The following SYT8 variants were observed in gnomAD, a reference collection of about 807,000 sequenced individuals.
SYT8 encodes the protein synaptotagmin 8.
SYT8 carries 50 observed loss-of-function variants against 34.9 expected under a neutral mutation model. That is an observed-to-expected ratio of 1.43 (90% CI 1.14 to 1.81). The LOEUF is 1.81. SYT8 is among the 40% of genes most tolerant of loss of function. SYT8 has a pLI of 0.00. For missense variants in SYT8, 595 were observed against 529.0 expected (o/e 1.12, Z -1.22); for synonymous variants, 255 against 234.2 (o/e 1.09, Z -0.81).
At chr11:1,832,150 G>A (rs1160559175), upstream of SYT8, among the ~76,000 whole-genome samples, 1 of 152,242 alleles carries the variant, frequency 6.6e-6, no homozygotes, top group African/African-American at 2.4e-5. Context: ...AGCACAAAAC[G>A]TCATGGCAGG....
upstream of SYT8, chr11:1,834,213 C>T: frequency 5.1e-6 from 2 of 390,148 alleles, no homozygotes; most frequent in Admixed American, 4.5e-5. The surrounding 1 kb of genome is among the most constrained non-coding windows in gnomAD (Gnocchi z 4.5). Flanking sequence ...AGGAGCCAGC[C>T]CAGCCAGGTG....
In SYT8 at chr11:1,835,153, C is replaced by T; in HGVS notation, c.48C>T (p.Thr16=). 1 of 1,613,456 alleles carries T rather than the reference C, an allele frequency of 6.2e-7. No individual in the cohort carries two copies. Among genetic ancestry groups the T allele is most frequent in the Non-Finnish European group, 8.5e-7 (1 of 1,179,922 alleles). ...CCAGTGCCCCGGCCCCAGCTGGCAC[C>T]ACAGCTATACCTGGGCTTATTCCAG... The part of the protein sequence containing the change: ...VSPSAPAPAG[T]TAIPGLIPDL... Residue 16 remains threonine (T), a synonymous_variant, in exon 1 of 8, where the codon ACC becomes ACT. Coordinates refer to ENST00000341958, the MANE Select transcript of SYT8 (RefSeq NM_001394072.1).
chr11:1,836,894 G>A lies in SYT8; in HGVS notation c.790+33G>A, dbSNP rs373120265. ...TCACACCTGCCCACGTTGTTGTACAGAGGGGGGGCCCGTGCTCAGCCCCGA... is the reference window on the plus strand; with the variant it reads ...TCACACCTGCCCACGTTGTTGTACAAAGGGGGGGCCCGTGCTCAGCCCCGA... On this transcript the variant is annotated intron_variant, in intron 6 of 7. Coordinates refer to ENST00000341958, the MANE Select transcript of SYT8 (RefSeq NM_001394072.1). 2.0e-5 allele frequency: 32 copies of A among 1,612,606 alleles called. No homozygotes were observed. The African/African-American group carries it at 3.5e-4, about 17-fold the overall frequency.
intron 7 of SYT8, 26 bp from the exon 8 acceptor site, chr11:1,837,166 C>A: frequency 6.3e-7 from 1 of 1,589,154 alleles, no homozygotes; most frequent in South Asian, 1.1e-5. Context: ...TCCCCCAACT[C>A]CAACCTCTGG....
Position 1,836,506 on chromosome 11 carries a change from G to A in SYT8, c.598G>A (p.Gly200Ser). ...FKRFSGHEPL[G>S]ELRLPLGTVD... ...GCGCTTCTCGGGGCATGAGCCCCTG[G>A]GTGAGCTCCGTCTGCCACTGGGCAC... is the stretch of plus-strand genomic sequence containing the variant. The change falls in exon 5 of 8, where the codon GGT (glycine) becomes AGT (serine). Residue 200 changes from glycine to serine, a missense_variant. Transcript: ENST00000341958. The A allele has an allele frequency of 6.2e-7, 1 of 1,612,614 alleles. No individual in the cohort carries two copies. Among genetic ancestry groups the A allele is most frequent in the African/African-American group, 1.3e-5 (1 of 75,062 alleles).
At chr11:1,834,872 G>C (rs1340596769), upstream of SYT8, 1 of 625,202 alleles carries the variant, frequency 1.6e-6, no homozygotes, top group Non-Finnish European at 2.8e-6. This position sits in a 1 kb window ranked among gnomAD's most constrained non-coding sequence, Gnocchi z 4.5. Context: ...TGGCTGGGAG[G>C]CTGGGCCTGG....
rs149899366 is a variant in SYT8 at position 1,835,998 on chromosome 11, C to A, written c.357+14C>A. 1.6e-3 allele frequency: 2,568 copies of A among 1,602,016 alleles called. 43 individuals carry two copies. The African/African-American group carries it at 0.03, about 19-fold the overall frequency. ...GGAAGCCAGGAGGTGAAGGGCCCCG[C>A]TGCGCAGGACCAGCGGTTCTGCGAG... On this transcript the variant is annotated intron_variant, in intron 3 of 7. Coordinates refer to ENST00000341958, the MANE Select transcript of SYT8 (RefSeq NM_001394072.1).
chr11:1,836,281 C>T lies in SYT8; in HGVS notation c.513C>T (p.Phe171=). ...LCPVFDETCC[F]HIPQAELPGA... Reference sequence around the variant, plus strand: ...CCGTGTTTGACGAGACCTGCTGCTTCCACGTGAGTCAGGGATGGTCGGCTG... The same window carrying T: ...CCGTGTTTGACGAGACCTGCTGCTTTCACGTGAGTCAGGGATGGTCGGCTG... The change falls in exon 4 of 8, where the codon TTC becomes TTT. Residue 171 remains phenylalanine, a synonymous_variant. Coordinates refer to ENST00000341958, the MANE Select transcript of SYT8 (RefSeq NM_001394072.1). 6.5e-7 allele frequency: 1 copy of T among 1,550,132 alleles called. No individual in the cohort carries two copies. The highest frequency in any genetic ancestry group is 8.7e-7 in the Non-Finnish European group (1 of 1,150,046).
chr11:1,833,197 C>T (rs549034644), upstream of SYT8, among the ~76,000 whole-genome samples: 7 of 152,266 alleles, frequency 4.6e-5, no homozygotes, highest in East Asian at 1.9e-4. Flanking sequence ...AGGAGCGCTC[C>T]GCCAGCCACG....
At chr11:1,835,501 G>A (rs763271387) in intron 2 of SYT8, 42 bp downstream of exon 2, 1 of 1,602,868 alleles carries the variant, frequency 6.2e-7, no homozygotes, top group Admixed American at 1.7e-5. Context: ...GAGAGGGCTT[G>A]AAATCCAGGC....
At position 1,835,428 on chromosome 11, in the gene SYT8, G is replaced by A; in HGVS notation, c.227G>A (p.Gly76Asp). The change falls in exon 2 of 8, where the codon GGC (glycine) becomes GAC (aspartate). Residue 76 changes from glycine (G) to aspartate (D), a missense_variant. By Grantham distance (94) the Gly-to-Asp change is moderately conservative. Coordinates refer to ENST00000341958, the MANE Select transcript of SYT8 (RefSeq NM_001394072.1). ...AGGGACAAGGAGTCCGTGGGTCTGG[G>A]CAGTGCCCGCGGCACCACCACCACC... ...KPRDKESVGLGSARGTTTTHL... is the reference protein window; with the variant it reads ...KPRDKESVGLDSARGTTTTHL... 6.2e-7 allele frequency: 1 copy of A among 1,609,606 alleles called. No homozygotes were observed.
upstream of SYT8, chr11:1,831,878 AG>A (rs1218422861): frequency 2.4e-6 from 1 of 417,718 alleles, no homozygotes; most frequent in Non-Finnish European, 4.9e-6. Context: ...GGCCGGCCAC[AG>A]GAAGTGGTGG....
intron 1 of SYT8, 34 bp downstream of exon 1, chr11:1,835,233 A>G: frequency 6.2e-7 from 1 of 1,609,584 alleles, no homozygotes; most frequent in Non-Finnish European, 8.5e-7. Context: ...GGGTGTGGGG[A>G]TAACCCAGCC....
chr11:1,835,259 C>T, intron 1 of SYT8, 37 bp from the exon 2 acceptor site: 1 of 1,604,952 alleles, frequency 6.2e-7, no homozygotes, highest in Non-Finnish European at 8.5e-7. Context: ...GGGGCTGCAG[C>T]TGTCCACAGA....
In SYT8 at chr11:1,837,201, C is replaced by T. The variant is rs771418422; in HGVS notation, c.934C>T (p.Leu312=). ...VPFSQVQNVD[L]VLAVWDRSLP... ...GCCTGTCTCTGCACAGAATGTGGAC[C>T]TGGTGCTGGCTGTCTGGGACCGCAG... Residue 312 remains leucine (L), a synonymous_variant, in exon 8 of 8, where the codon CTG becomes TTG. Coordinates refer to ENST00000341958, the MANE Select transcript of SYT8 (RefSeq NM_001394072.1). 22 of 1,568,526 alleles carry T rather than the reference C, an allele frequency of 1.4e-5. No homozygotes were observed. Among genetic ancestry groups the T allele is most frequent in the Non-Finnish European group, 1.7e-5 (20 of 1,157,342 alleles).
Position 1,835,605 on chromosome 11 carries a change from G to A in SYT8, c.258+146G>A, listed in dbSNP as rs937665332. On this transcript the variant is annotated intron_variant, in intron 2 of 7. Coordinates refer to ENST00000341958, the MANE Select transcript of SYT8 (RefSeq NM_001394072.1). ...TGAGGACCTTCCTGGCAGGGAAAGT[G>A]GGTGAACAGAGGTGAGAAGGAGGCC... 8.0e-6 allele frequency: 8 copies of A among 998,056 alleles called. No individual in the cohort carries two copies. The African/African-American group carries it at 8.0e-5, about 10-fold the overall frequency. 61.8% of individuals were successfully genotyped at this position (998,056 alleles called of 1,614,324 possible). A position where few individuals can be genotyped will look rare whatever the true frequency, so the allele number is the denominator to read the frequency against.
chr11:1,834,690 C>T (rs535872032), upstream of SYT8: 29 of 1,391,286 alleles, frequency 2.1e-5, no homozygotes, highest in Non-Finnish European at 2.7e-5. The surrounding 1 kb of genome is among the most constrained non-coding windows in gnomAD (Gnocchi z 4.5). Flanking sequence ...GATGGGACCC[C>T]CAGGCAGGGC....
At chr11:1,833,366 T>C (rs2012939348), upstream of SYT8, among the ~76,000 whole-genome samples, 1 of 152,222 alleles carries the variant, frequency 6.6e-6, no homozygotes. Flanking sequence ...CAGTGCAGAA[T>C]GAAAATGTGC....
chr11:1,837,213 G>A lies in SYT8; in HGVS notation c.946G>A (p.Val316Ile). ...ACAGAATGTGGACCTGGTGCTGGCTGTCTGGGACCGCAGCCTGCCGCTCCG... is the reference window on the plus strand; with the variant it reads ...ACAGAATGTGGACCTGGTGCTGGCTATCTGGGACCGCAGCCTGCCGCTCCG... ...QVQNVDLVLA[V>I]WDRSLPLRTE... Residue 316 changes from valine (V) to isoleucine (I), a missense_variant, in exon 8 of 8, where the codon GTC becomes ATC. Transcript: ENST00000341958. 1 of 1,568,726 alleles carries A rather than the reference G, an allele frequency of 6.4e-7. No homozygotes were observed. Among genetic ancestry groups the A allele is most frequent in the South Asian group, 1.2e-5 (1 of 84,936 alleles).
Sources: allele counts gnomAD v4.1 joint callset (sites outside exome capture counted in the v4.1 genomes callset), GRCh38; gene constraint gnomAD v4.1.1; non-coding constraint Gnocchi (gnomAD v3.1); transcripts MANE v1.5; gene names NCBI Gene and HGNC (gene_info 2026-07-23, HGNC 2026-07-21).